Variants in RBFOX1 observed in about 807,000 individuals in gnomAD.
RBFOX1 encodes RNA binding protein fox-1 homolog 1.
RBFOX1 carries 8 observed loss-of-function variants against 57.7 expected under a neutral mutation model. The observed-to-expected ratio is 0.14, with a 90% CI of 0.08 to 0.25. The LOEUF is 0.25. Ranked by LOEUF, RBFOX1 falls within the 10% of genes least tolerant of loss-of-function variation. RBFOX1 has a pLI of 1.00. For synonymous variants in RBFOX1, 326 were observed against 222.4 expected (o/e 1.47, Z -4.15); for missense variants, 611 against 548.5 (o/e 1.11, Z -1.14).
chr16:5,919,355 A>G (rs2058770924), intron 4 of RBFOX1, among the ~76,000 whole-genome samples: 2 of 152,034 alleles, frequency 1.3e-5, no homozygotes, highest in Non-Finnish European at 2.9e-5. Flanking sequence ...AATTTTTTTT[A>G]TTTTGAGACG....
At chr16:6,048,213 C>G (rs144645094) in intron 1 of RBFOX1, among the ~76,000 whole-genome samples, 60 of 152,254 alleles carry the variant, frequency 3.9e-4, no homozygotes, top group Non-Finnish European at 6.6e-4. Flanking sequence ...CAGGAAGGAT[C>G]CTTGGCCAGG....
intron 3 of RBFOX1, among the ~76,000 whole-genome samples, chr16:5,613,131 G>A (rs1231318395): frequency 6.6e-6 from 1 of 152,178 alleles, no homozygotes; most frequent in Non-Finnish European, 1.5e-5. Context: ...TCTTTGAGGG[G>A]CCTCAGTTGG....
rs2059398029 is a variant in RBFOX1 at position 5,946,262 on chromosome 16, C to T, written c.351+78927C>T. On this transcript the variant is annotated intron_variant, in intron 4 of 19. Transcript: ENST00000641259. This position sits in a 1 kb window ranked among gnomAD's most constrained non-coding sequence, Gnocchi z 4.6. Reference sequence around the variant, plus strand: ...TGTCTCTAAGTCTCAGCTTTCTAATCTGTAAAAGGGACACAATCATAGGAC... The same window carrying T: ...TGTCTCTAAGTCTCAGCTTTCTAATTTGTAAAAGGGACACAATCATAGGAC... Among the ~76,000 whole-genome samples, 1 of 152,202 alleles carries T rather than the reference C, an allele frequency of 6.6e-6. No homozygotes were observed. Among genetic ancestry groups the T allele is most frequent in the Admixed American group, 6.5e-5 (1 of 15,280 alleles).
chr16:5,779,438 G>A (rs192756810), intron 3 of RBFOX1, among the ~76,000 whole-genome samples: 10 of 152,256 alleles, frequency 6.6e-5, no homozygotes, highest in East Asian at 3.9e-4. Flanking sequence ...ACATAAAAAC[G>A]CATTTCTTTC....
chr16:6,985,095 C>T, intron 3 of RBFOX1, among the ~76,000 whole-genome samples: 1 of 149,330 alleles, frequency 6.7e-6, no homozygotes, highest in East Asian at 2.0e-4. Flanking sequence ...AATTTCCTCT[C>T]CCCTCTCCTT....
At chr16:6,251,242 A>C (rs2097608499) in intron 1 of RBFOX1, among the ~76,000 whole-genome samples, 1 of 152,170 alleles carries the variant, frequency 6.6e-6, no homozygotes, top group Admixed American at 6.5e-5. Context: ...CTTAACTCAC[A>C]AAACAAACCC....
intron 4 of RBFOX1, among the ~76,000 whole-genome samples, chr16:7,358,286 G>A (rs554541445): frequency 2.6e-5 from 4 of 152,304 alleles, no homozygotes; most frequent in South Asian, 2.1e-4. Context: ...CCGTGCCACC[G>A]AAAGGGACAG....
At chr16:5,665,212 A>G (rs1385556850) in intron 3 of RBFOX1, among the ~76,000 whole-genome samples, 1 of 151,396 alleles carries the variant, frequency 6.6e-6, no homozygotes, top group Non-Finnish European at 1.5e-5. Context: ...TAGTCTTCAA[A>G]TTTTCTGGGA....
chr16:7,557,806 G>T (rs1474982113), intron 5 of RBFOX1, among the ~76,000 whole-genome samples: 1 of 151,596 alleles, frequency 6.6e-6, no homozygotes, highest in Non-Finnish European at 1.5e-5. Context: ...GCGGGAGAGG[G>T]CTCCAGAGAC....
intron 4 of RBFOX1, among the ~76,000 whole-genome samples, chr16:5,893,984 G>A (rs770404818): frequency 2.0e-5 from 3 of 152,192 alleles, no homozygotes; most frequent in Non-Finnish European, 2.9e-5. Flanking sequence ...TGAAGATGAG[G>A]AGGGGAGGGA....
At chr16:7,657,314 A>AT (rs887234260) in intron 12 of RBFOX1, among the ~76,000 whole-genome samples, 12 of 152,116 alleles carry the variant, frequency 7.9e-5, no homozygotes, top group Non-Finnish European at 8.8e-5. Flanking sequence ...TTTAAAAAAA[A>AT]TTTTTTTTGA....
At chr16:7,555,647 G>A (rs779274289) in intron 5 of RBFOX1, among the ~76,000 whole-genome samples, 8 of 152,058 alleles carry the variant, frequency 5.3e-5, no homozygotes, top group African/African-American at 1.4e-4. Context: ...CCCCTTGAAC[G>A]TTCTGTACCA....
At chr16:6,963,864 AAT>A (rs1474114227) in intron 3 of RBFOX1, among the ~76,000 whole-genome samples, 1 of 151,372 alleles carries the variant, frequency 6.6e-6, no homozygotes, top group African/African-American at 2.4e-5. Flanking sequence ...ACGCCTGGCT[AAT>A]TTTTTGTATT....
chr16:5,893,568 A>T (rs751909873), intron 4 of RBFOX1, among the ~76,000 whole-genome samples: 4 of 152,168 alleles, frequency 2.6e-5, no homozygotes, highest in Non-Finnish European at 4.4e-5. Flanking sequence ...GCCCTTTGGT[A>T]GGCTGAGGCG....
At position 6,483,226 on chromosome 16, in the gene RBFOX1, G is replaced by C. The variant is rs1006963376; in HGVS notation, c.-64+166169G>C. The stretch of plus-strand genomic sequence containing the variant: ...AGGCCGGCCGGGGAAGCCGGACCCG[G>C]GCCCTGGCGCCGCCGTGGCCTCCCT... On this transcript the variant is annotated intron_variant, in intron 2 of 15. Transcript: ENST00000550418. 4.1e-6 allele frequency: 5 copies of C among 1,227,466 alleles called. No homozygotes were observed. The African/African-American group carries it at 8.0e-5, about 20-fold the overall frequency. The allele number at this position is 1,227,466 out of a possible 1,614,324, so 76.0% of individuals were successfully genotyped here.
At chr16:7,456,660 C>T (rs181199627) in intron 4 of RBFOX1, among the ~76,000 whole-genome samples, 116 of 152,312 alleles carry the variant, frequency 7.6e-4, no homozygotes, top group African/African-American at 2.6e-3. Flanking sequence ...CCCTTTCTTG[C>T]CTCAGCATCA....
rs199690584 is a variant in RBFOX1 at position 6,060,122 on chromosome 16, G to GTTTTTTTTTTTTTTTTTTTTTTT, written c.-127+40144_-127+40166dup. ...ATTTGGCCCTAAAATTAGGATTAGG[G>GTTTTTTTTTTTTTTTTTTTTTTT]TTTTTTTTTTTTTTTTTTTTTTTTT... is the stretch of plus-strand genomic sequence containing the variant. On this transcript the variant is annotated intron_variant, in intron 1 of 15. Transcript: ENST00000550418. 2.8e-4 allele frequency among the ~76,000 whole-genome samples: 32 copies of GTTTTTTTTTTTTTTTTTTTTTTT among 114,184 alleles called. 2 individuals are homozygous for GTTTTTTTTTTTTTTTTTTTTTTT. The highest frequency in any genetic ancestry group is 4.0e-4 in the African/African-American group (11 of 27,750). 74.9% of individuals were successfully genotyped at this position (114,184 alleles called of 152,430 possible). A position where few individuals can be genotyped will look rare whatever the true frequency, so the allele number is the denominator to read the frequency against.
At chr16:7,465,993 C>T (rs573601812) in intron 4 of RBFOX1, among the ~76,000 whole-genome samples, 1 of 152,174 alleles carries the variant, frequency 6.6e-6, no homozygotes, top group Admixed American at 6.5e-5. Flanking sequence ...CAGATCTCAT[C>T]GTTCCAGTTT....
At chr16:6,813,293 C>G (rs189785271) in intron 3 of RBFOX1, among the ~76,000 whole-genome samples, 3 of 152,150 alleles carry the variant, frequency 2.0e-5, no homozygotes, top group Non-Finnish European at 2.9e-5. Context: ...CAGCCATATT[C>G]CATGAAACAA....
Sources: gnomAD v4.1 joint callset for allele counts (sites outside exome capture counted in the v4.1 genomes callset) on GRCh38, gnomAD v4.1.1 for gene constraint, Gnocchi (gnomAD v3.1) non-coding constraint, MANE v1.5 for transcripts, NCBI Gene and HGNC (gene_info 2026-07-23, HGNC 2026-07-21) for gene names.